Variants in INSL4 observed in about 807,000 individuals in gnomAD.
INSL4 encodes the protein early placenta insulin-like peptide.
In INSL4, 7 loss-of-function variants were observed where a neutral mutation model predicts 6.5. The ratio of observed to expected loss-of-function variants is 1.08; its 90% confidence interval spans 0.61 to 2.02. INSL4 has a LOEUF of 2.02. Among genes scored for constraint, INSL4 ranks in the 30% most tolerant of loss-of-function variants. INSL4 has a pLI of 0.00. For missense variants in INSL4, 226 were observed against 163.2 expected, an observed-to-expected ratio of 1.38 and a Z score of -2.09; for synonymous variants, 82 against 65.8, an observed-to-expected ratio of 1.25 and a Z score of -1.19.
chr9:5,231,674 A>T lies in INSL4; in HGVS notation c.151A>T (p.Thr51Ser). Residue 51 changes from threonine to serine, a missense_variant, in exon 1 of 2, where the codon ACC becomes TCC. Transcript: ENST00000239316. ...TTGCCCCATGCCTGAGAAGACATTCACCACCACCCCAGGAGGGTGGCTGCT... is the reference window on the plus strand; with the variant it reads ...TTGCCCCATGCCTGAGAAGACATTCTCCACCACCCCAGGAGGGTGGCTGCT... ...SYCPMPEKTF[T>S]TTPGGWLLES... 1 of 1,613,806 alleles carries T rather than the reference A, an allele frequency of 6.2e-7. No individual in the cohort carries two copies. The highest frequency in any genetic ancestry group is 8.5e-7 in the Non-Finnish European group (1 of 1,179,822).
At position 5,235,293 on chromosome 9, in the gene INSL4, A is replaced by G. The variant is rs1467260892; in HGVS notation, c.*1416A>G. On this transcript the variant is annotated 3_prime_UTR_variant, in exon 2 of 2. Coordinates refer to ENST00000239316, the MANE Select transcript of INSL4 (RefSeq NM_002195.2). ...GGGGTTTAGGCTGCATCCTGGAGTA[A>G]GGAAGAACTGCTCATGATCTTGATA... is the stretch of plus-strand genomic sequence containing the variant. The G allele has an allele frequency of 6.6e-6, 1 of 152,474 alleles. No individual in the cohort carries two copies. Among genetic ancestry groups the G allele is most frequent in the Non-Finnish European group, 1.5e-5 (1 of 68,040 alleles). 9.4% of individuals were successfully genotyped at this position (152,474 alleles called of 1,614,324 possible). A position where few individuals can be genotyped will look rare whatever the true frequency, so the allele number is the denominator to read the frequency against.
At chr9:5,233,601 T>C (rs948024841) in intron 1 of INSL4, 53 bp from the exon 2 acceptor site, 4 of 1,422,382 alleles carry the variant, frequency 2.8e-6, no homozygotes, top group Non-Finnish European at 3.9e-6. Context: ...TTTCTGATCC[T>C]CTTTCACATG....
At chr9:5,232,356 A>G (rs1826159907) in intron 1 of INSL4, among the ~76,000 whole-genome samples, 1 of 152,164 alleles carries the variant, frequency 6.6e-6, no homozygotes, top group Non-Finnish European at 1.5e-5. Context: ...ATGCACACCA[A>G]CAGAGCACCT....
intron 1 of INSL4, among the ~76,000 whole-genome samples, chr9:5,232,686 G>A (rs1826166132): frequency 6.6e-6 from 1 of 152,192 alleles, no homozygotes; most frequent in South Asian, 2.1e-4. Context: ...AAAAGAGATA[G>A]AGGCTACTAT....
At position 5,231,695 on chromosome 9, in the gene INSL4, C is replaced by T. The variant is rs757002673; in HGVS notation, c.172C>T (p.Leu58=). ...KTFTTTPGGW[L]LESGRPKEMV... is the part of the protein sequence containing the mutation. ...ATTCACCACCACCCCAGGAGGGTGG[C>T]TGCTGGAATCTGGACGTCCCAAAGG... The change falls in exon 1 of 2, where the codon CTG becomes TTG. Residue 58 remains leucine, a synonymous_variant. Transcript: ENST00000239316. 1.9e-6 allele frequency: 3 copies of T among 1,613,682 alleles called. No homozygotes were observed. Among genetic ancestry groups the T allele is most frequent in the East Asian group, 4.5e-5 (2 of 44,826 alleles).
Position 5,234,055 on chromosome 9 carries a change from T to C in INSL4, c.*178T>C, listed in dbSNP as rs536523760. 112 of 576,620 alleles carry C rather than the reference T, an allele frequency of 1.9e-4. 1 individual carries two copies. The highest frequency in any genetic ancestry group is 1.3e-3 in the African/African-American group (70 of 53,426). 35.7% of individuals were successfully genotyped at this position (576,620 alleles called of 1,614,324 possible). ...CTCCAAATGGAGGAAGTTAGATAGA[T>C]GGAATAAGTTCTAGTAGTTGATAGT... On this transcript the variant is annotated 3_prime_UTR_variant, in exon 2 of 2. Transcript: ENST00000239316.
At chr9:5,233,199 T>C (rs16922850) in intron 1 of INSL4, among the ~76,000 whole-genome samples, 4,041 of 152,282 alleles carry the variant, frequency 0.027, 192 homozygotes, top group African/African-American at 0.093. Context: ...TAGATGTATG[T>C]TGCTTCTCAG....
chr9:5,233,029 G>A (rs1021046788), intron 1 of INSL4, among the ~76,000 whole-genome samples: 2 of 152,084 alleles, frequency 1.3e-5, no homozygotes, highest in Admixed American at 6.6e-5. Context: ...GCAAACTAAG[G>A]AAGAGCATGC....
intron 1 of INSL4, 107 bp from the exon 2 acceptor site, chr9:5,233,547 A>C: frequency 1.4e-6 from 1 of 729,092 alleles, no homozygotes; most frequent in Non-Finnish European, 2.3e-6. Context: ...GTTTAATTAC[A>C]TGGAGGCAAT....
In INSL4 at chr9:5,231,487, G is replaced by T; in HGVS notation, c.-37G>T. The stretch of plus-strand genomic sequence containing the variant: ...TACAGCAGCAAGTCTCTAAAGAAAG[G>T]CTGAGAACACCCAGAACAGGAGAGT... On this transcript the variant is annotated 5_prime_UTR_variant, in exon 1 of 2. Coordinates refer to ENST00000239316, the MANE Select transcript of INSL4 (RefSeq NM_002195.2). 1.9e-6 allele frequency: 3 copies of T among 1,592,382 alleles called. No individual in the cohort carries two copies. Among genetic ancestry groups the T allele is most frequent in the Non-Finnish European group, 2.6e-6 (3 of 1,168,344 alleles).
chr9:5,233,595 T>G, intron 1 of INSL4, 59 bp from the exon 2 acceptor site: 1 of 1,357,148 alleles, frequency 7.4e-7, no homozygotes, highest in Non-Finnish European at 1.0e-6. Context: ...ATAATTTTTC[T>G]GATCCTCTTT....
chr9:5,232,112 G>A (rs1312200697), intron 1 of INSL4, among the ~76,000 whole-genome samples: 1 of 152,120 alleles, frequency 6.6e-6, no homozygotes, highest in Non-Finnish European at 1.5e-5. Context: ...GCAATGAGAT[G>A]CCTGGGCCAG....
rs1026965066 is a variant in INSL4 at position 5,234,018 on chromosome 9, C to G, written c.*141C>G. On this transcript the variant is annotated 3_prime_UTR_variant, in exon 2 of 2. Transcript: ENST00000239316. ...ATTCACATGTTTCACTTGCTCTGTA[C>G]TAATATAGTCTCTCCAAATGGAGGA... The G allele has an allele frequency of 8.0e-6, 5 of 628,652 alleles. No homozygotes were observed. The highest frequency in any genetic ancestry group is 5.5e-5 in the African/African-American group (3 of 54,330). 38.9% of individuals were successfully genotyped at this position (628,652 alleles called of 1,614,324 possible).
In INSL4 at chr9:5,233,663, C is replaced by T; in HGVS notation, c.206C>T (p.Ser69Leu). 1 of 1,612,498 alleles carries T rather than the reference C, an allele frequency of 6.2e-7. No homozygotes were observed. The highest frequency in any genetic ancestry group is 1.3e-5 in the African/African-American group (1 of 74,980). Residue 69 changes from serine to leucine, a missense_variant, in exon 2 of 2, where the codon TCA becomes TTA. Physicochemically the swap from Ser to Leu is moderately radical, Grantham distance 145 (BLOSUM62 -2). Transcript: ENST00000239316. Reference protein sequence around the residue: ...LESGRPKEMVSTSNNKDGQAL... With the variant: ...LESGRPKEMVLTSNNKDGQAL... ...CTCTTTTACTTCACAGAAATGGTGT[C>T]AACCTCCAACAACAAAGATGGACAA...
chr9:5,231,612 G>T lies in INSL4; in HGVS notation c.89G>T (p.Gly30Val). 3.7e-6 allele frequency: 6 copies of T among 1,613,920 alleles called. No individual in the cohort carries two copies. Among genetic ancestry groups the T allele is most frequent in the Non-Finnish European group, 3.4e-6 (4 of 1,179,890 alleles). ...LRESLAAELR[G>V]CGPRFGKHLL... ...GAAAGCCTAGCAGCAGAGCTGAGGG[G>T]ATGTGGTCCCCGATTTGGAAAACAC... Residue 30 changes from glycine (G) to valine (V), a missense_variant, in exon 1 of 2, where the codon GGA becomes GTA. Gly to Val is a moderately radical substitution (Grantham distance 109). Coordinates refer to ENST00000239316, the MANE Select transcript of INSL4 (RefSeq NM_002195.2).
At chr9:5,232,994 C>T (rs149570627) in intron 1 of INSL4, among the ~76,000 whole-genome samples, 8 of 152,154 alleles carry the variant, frequency 5.3e-5, no homozygotes, top group African/African-American at 1.9e-4. Context: ...GGGAAGAATA[C>T]CACAAAGTCC....
Position 5,234,838 on chromosome 9 carries a change from A to T in INSL4, c.*961A>T, listed in dbSNP as rs1445228773. 6.6e-6 allele frequency: 1 copy of T among 152,040 alleles called. No individual in the cohort carries two copies. The highest frequency in any genetic ancestry group is 1.5e-5 in the Non-Finnish European group (1 of 68,042). The allele number at this position is 152,040 out of a possible 1,614,324, so 9.4% of individuals were successfully genotyped here. ...TTAATTCAAGTGGCATGATTTGAGT[A>T]GCCCCCTGTGCCTGCCCATAAAGTG... On this transcript the variant is annotated 3_prime_UTR_variant, in exon 2 of 2. Transcript: ENST00000239316.
At position 5,231,479 on chromosome 9, in the gene INSL4, A is replaced by G. The variant is rs772597532; in HGVS notation, c.-45A>G. ...TGGTAGGCTACAGCAGCAAGTCTCT[A>G]AAGAAAGGCTGAGAACACCCAGAAC... On this transcript the variant is annotated 5_prime_UTR_variant, in exon 1 of 2. Coordinates refer to ENST00000239316, the MANE Select transcript of INSL4 (RefSeq NM_002195.2). 2.2e-5 allele frequency: 35 copies of G among 1,578,770 alleles called. No individual in the cohort carries two copies. In the South Asian group the frequency reaches 4.1e-4, roughly 18 times the overall value.
chr9:5,233,602 C>A lies in INSL4; in HGVS notation c.197-52C>A. On this transcript the variant is annotated intron_variant, in intron 1 of 1. Transcript: ENST00000239316. The stretch of plus-strand genomic sequence containing the variant: ...CAAATTGTATAATTTTTCTGATCCT[C>A]TTTCACATGAATGTTTTTCCTCACC... 4.2e-6 allele frequency: 6 copies of A among 1,439,432 alleles called. 1 individual carries two copies. The South Asian group carries it at 5.9e-5, about 14-fold the overall frequency. The allele number at this position is 1,439,432 out of a possible 1,614,324, so 89.2% of individuals were successfully genotyped here.
Sources: allele counts gnomAD v4.1 joint callset (sites outside exome capture counted in the v4.1 genomes callset), GRCh38; gene constraint gnomAD v4.1.1; transcripts MANE v1.5; gene names NCBI Gene and HGNC (gene_info 2026-07-23, HGNC 2026-07-21).